Variants in SYNE2 observed in about 807,000 individuals in gnomAD.
The protein encoded by SYNE2 is nesprin-2.
Under a neutral mutation model 856.3 loss-of-function variants are expected in SYNE2, and 431 were observed. That is an observed-to-expected ratio of 0.50 (90% confidence interval 0.47 to 0.55). The LOEUF is 0.55. Among genes scored for constraint, SYNE2 ranks in the 20% least tolerant of loss-of-function variants. The pLI is 0.00. For missense variants in SYNE2, 8,129 were observed against 8,023.2 expected, an observed-to-expected ratio of 1.01 and a Z score of -0.50; for synonymous variants, 2,923 against 2,872.3, an observed-to-expected ratio of 1.02 and a Z score of -0.56.
intron 99 of SYNE2, among the ~76,000 whole-genome samples, chr14:64,195,783 G>C (rs1354872350): frequency 6.6e-6 from 1 of 152,194 alleles, no homozygotes; most frequent in East Asian, 1.9e-4. Flanking sequence ...ACCAAACAAT[G>C]CTGCTAGTCA....
chr14:64,194,784 G>T (rs2098533595), intron 99 of SYNE2, among the ~76,000 whole-genome samples: 1 of 152,192 alleles, frequency 6.6e-6, no homozygotes, highest in African/African-American at 2.4e-5. Flanking sequence ...AAGATGCAAG[G>T]TTAACGTTCA....
intron 45 of SYNE2, among the ~76,000 whole-genome samples, chr14:64,043,065 G>T (rs752053034): frequency 3.1e-4 from 47 of 152,330 alleles, no homozygotes; most frequent in Non-Finnish European, 6.0e-4. Context: ...TGAGGAACTT[G>T]TTGGGAACTG....
At chr14:63,779,435 G>A (rs1887226780) in intron 1 of SYNE2, among the ~76,000 whole-genome samples, 1 of 111,602 alleles carries the variant, frequency 9.0e-6, no homozygotes. Flanking sequence ...CGCTTGACTG[G>A]TCTCAAAAAA....
chr14:63,774,776 A>C (rs986942938), intron 1 of SYNE2, among the ~76,000 whole-genome samples: 3 of 152,032 alleles, frequency 2.0e-5, no homozygotes, highest in African/African-American at 4.8e-5. Context: ...AATTGTCTTC[A>C]TATGCTATAA....
In SYNE2 at chr14:64,139,996, C is replaced by T; in HGVS notation, c.14899C>T (p.Leu4967=). Residue 4967 remains leucine (L), a synonymous_variant, in exon 80 of 116, where the codon CTG becomes TTG. Transcript: ENST00000555002. ...TKWLESSQHT[L]NYWKEQSLNV... Reference sequence around the variant, plus strand: ...GTGGTTGGAATCTTCCCAGCATACTCTGAATTACTGGAAAGAACAGTCCCT... The same window carrying T: ...GTGGTTGGAATCTTCCCAGCATACTTTGAATTACTGGAAAGAACAGTCCCT... The T allele has an allele frequency of 2.5e-6, 4 of 1,613,850 alleles. No individual in the cohort carries two copies. Among genetic ancestry groups the T allele is most frequent in the Non-Finnish European group, 3.4e-6 (4 of 1,179,776 alleles).
intron 1 of SYNE2, among the ~76,000 whole-genome samples, chr14:63,815,890 C>G (rs1334365116): frequency 6.6e-6 from 1 of 151,860 alleles, no homozygotes; most frequent in Non-Finnish European, 1.5e-5. Flanking sequence ...ATAATTTGCT[C>G]CAACCATTAA....
At chr14:63,913,050 C>T (rs1423591753) in intron 2 of SYNE2, among the ~76,000 whole-genome samples, 7 of 152,006 alleles carry the variant, frequency 4.6e-5, no homozygotes, top group East Asian at 1.9e-4. Flanking sequence ...CTTCCCACCT[C>T]GGCCTCCCAA....
At chr14:63,771,564 C>T (rs1376086136) in intron 1 of SYNE2, among the ~76,000 whole-genome samples, 1 of 152,114 alleles carries the variant, frequency 6.6e-6, no homozygotes, top group East Asian at 1.9e-4. Flanking sequence ...ATAGCAAAAC[C>T]TGGAAACGTC....
At chr14:63,858,121 T>C (rs1892364238) in intron 1 of SYNE2, among the ~76,000 whole-genome samples, 1 of 151,760 alleles carries the variant, frequency 6.6e-6, no homozygotes. Flanking sequence ...TTTTATTATT[T>C]ATTTATTTAT....
intron 8 of SYNE2, among the ~76,000 whole-genome samples, chr14:63,955,647 T>C (rs1398923379): frequency 6.6e-6 from 1 of 152,202 alleles, no homozygotes; most frequent in Non-Finnish European, 1.5e-5. Context: ...CTGGGGTGTG[T>C]ATACAAATGT....
At chr14:63,824,113 CAGA>C (rs1889328102) in intron 1 of SYNE2, among the ~76,000 whole-genome samples, 1 of 152,176 alleles carries the variant, frequency 6.6e-6, no homozygotes, top group East Asian at 1.9e-4. Flanking sequence ...CCAAGGCAGG[CAGA>C]TCACTTGAGC....
chr14:63,951,550 A>G (rs939263288), intron 7 of SYNE2, among the ~76,000 whole-genome samples: 1 of 152,020 alleles, frequency 6.6e-6, no homozygotes, highest in African/African-American at 2.4e-5. Flanking sequence ...TGATCTGCCC[A>G]CCTCGGCCTC....
chr14:63,889,989 C>A (rs537590507), intron 1 of SYNE2, among the ~76,000 whole-genome samples: 1 of 151,684 alleles, frequency 6.6e-6, no homozygotes, highest in Non-Finnish European at 1.5e-5. Context: ...GTGTAGTATT[C>A]CTTCCATCCA....
chr14:64,010,681 A>G (rs988807196), intron 32 of SYNE2, among the ~76,000 whole-genome samples: 6 of 152,156 alleles, frequency 3.9e-5, no homozygotes, highest in African/African-American at 1.2e-4. Context: ...AGAATATACT[A>G]TACTGCACTA....
rs528899524 is a variant in SYNE2, at chr14:64,092,955, C to A, written c.11977-394C>A. On this transcript the variant is annotated intron_variant, in intron 60 of 115. Transcript: ENST00000555002. ...ATGTCACCTTTCTATGCGGAAAGCC[C>A]CCCCGCTCCCCCGGCCATGGAATAT... Among the ~76,000 whole-genome samples the A allele has an allele frequency of 4.9e-4, 74 of 149,780 alleles. 2 individuals carry two copies. The highest frequency in any genetic ancestry group is 1.5e-3 in the African/African-American group (58 of 39,770).
chr14:63,824,651 A>AC (rs1487717919), intron 1 of SYNE2, among the ~76,000 whole-genome samples: 204 of 151,138 alleles, frequency 1.3e-3, no homozygotes, highest in African/African-American at 4.7e-3. Context: ...AAAAAAAAAA[A>AC]AGCGTAATTA....
At chr14:63,860,941 G>A (rs1468285447) in intron 1 of SYNE2, among the ~76,000 whole-genome samples, 1 of 152,048 alleles carries the variant, frequency 6.6e-6, no homozygotes, top group Admixed American at 6.6e-5. Context: ...TCAAAGTAGG[G>A]TCCAGGGACC....
intron 41 of SYNE2, among the ~76,000 whole-genome samples, chr14:64,025,800 A>C (rs1432880883): frequency 6.6e-6 from 1 of 152,178 alleles, no homozygotes; most frequent in African/African-American, 2.4e-5. Context: ...AGTTCTTCAG[A>C]GTGGATGTGT....
At chr14:64,087,610 A>G in intron 57 of SYNE2, 61 bp from the exon 58 acceptor site, 1 of 1,536,340 alleles carries the variant, frequency 6.5e-7, no homozygotes. Flanking sequence ...TTTAAATATT[A>G]ATCAGCTTAT....
Sources: allele counts gnomAD v4.1 joint callset (sites outside exome capture counted in the v4.1 genomes callset), GRCh38; gene constraint gnomAD v4.1.1; transcripts MANE v1.5; gene names NCBI Gene and HGNC (gene_info 2026-07-23, HGNC 2026-07-21).